MERTK: variants seen among roughly 807,000 people sequenced by gnomAD.
The protein encoded by MERTK is tyrosine-protein kinase Mer.
In MERTK, 69 loss-of-function variants were observed where a neutral mutation model predicts 99.3. The observed-to-expected ratio is 0.70, with a 90% CI of 0.57 to 0.85. The LOEUF (loss-of-function observed/expected upper bound fraction) is 0.85. Among genes scored for constraint, MERTK ranks in the 40% least tolerant of loss-of-function variants. MERTK has a pLI of 0.00. For synonymous variants in MERTK, 426 were observed against 467.6 expected, an observed-to-expected ratio of 0.91 and a Z score of 1.15; for missense variants, 1,125 against 1,249.4, an observed-to-expected ratio of 0.90 and a Z score of 1.50.
intron 10 of MERTK, among the ~76,000 whole-genome samples, chr2:111,997,689 C>T (rs1332238800): frequency 1.3e-5 from 2 of 152,210 alleles, no homozygotes; most frequent in Non-Finnish European, 2.9e-5. Flanking sequence ...GGTTCCTTTA[C>T]AGAGAAGAGT....
At chr2:112,022,233 T>C in intron 17 of MERTK, 25 bp from the exon 18 acceptor site, 1 of 1,614,228 alleles carries the variant, frequency 6.2e-7, no homozygotes, top group Non-Finnish European at 8.5e-7. Flanking sequence ...GCTTGCATCC[T>C]AACTTGTTGT....
At chr2:111,921,556 G>A (rs1462433416) in intron 1 of MERTK, among the ~76,000 whole-genome samples, 1 of 151,886 alleles carries the variant, frequency 6.6e-6, no homozygotes, top group Non-Finnish European at 1.5e-5. Context: ...CAGAAGGGCT[G>A]TAGGGCTGTT....
chr2:111,903,731 G>C (rs2104658233), intron 1 of MERTK, among the ~76,000 whole-genome samples: 1 of 152,350 alleles, frequency 6.6e-6, no homozygotes, highest in African/African-American at 2.4e-5. Context: ...GGCTTCTGGG[G>C]CTTTGGGGGT....
chr2:111,957,391 G>T (rs1042926099), intron 4 of MERTK, among the ~76,000 whole-genome samples: 2 of 151,942 alleles, frequency 1.3e-5, no homozygotes, highest in South Asian at 4.2e-4. Flanking sequence ...CCAGGCCCCC[G>T]AGTATCAACT....
intron 1 of MERTK, among the ~76,000 whole-genome samples, chr2:111,900,158 T>C (rs1275069477): frequency 6.6e-6 from 1 of 152,196 alleles, no homozygotes; most frequent in African/African-American, 2.4e-5. Flanking sequence ...CCTGGAAAGC[T>C]CAGTTTATAG....
chr2:111,963,617 G>A (rs1685299504), intron 4 of MERTK, among the ~76,000 whole-genome samples: 1 of 152,240 alleles, frequency 6.6e-6, no homozygotes, highest in South Asian at 2.1e-4. Context: ...ATCTTGCACA[G>A]CCCTTAATCC....
rs139384389 is a variant in MERTK at position 111,915,820 on chromosome 2, G to A, written c.62-13300G>A. On this transcript the variant is annotated intron_variant, in intron 1 of 18. Coordinates refer to ENST00000295408, the MANE Select transcript of MERTK (RefSeq NM_006343.3). Reference sequence around the variant, plus strand: ...TGAGGCAGGAGAATCACTTGAACCCGGGAGACAGAGGTTGTAGTAAGCTGA... The same window carrying A: ...TGAGGCAGGAGAATCACTTGAACCCAGGAGACAGAGGTTGTAGTAAGCTGA... 3.5e-3 allele frequency among the ~76,000 whole-genome samples: 528 copies of A among 152,212 alleles called. 2 individuals carry two copies. Among genetic ancestry groups the A allele is most frequent in the African/African-American group, 0.011 (447 of 41,548 alleles).
chr2:112,008,863 T>C, intron 14 of MERTK: 1 of 298,942 alleles, frequency 3.3e-6, no homozygotes. Context: ...TTCCGTAGGT[T>C]TATCTTTGAG....
chr2:112,018,775 G>A (rs577616323), intron 15 of MERTK, among the ~76,000 whole-genome samples: 1 of 152,306 alleles, frequency 6.6e-6, no homozygotes, highest in South Asian at 2.1e-4. Flanking sequence ...TTATAAGCTA[G>A]AGAAAACACT....
intron 10 of MERTK, among the ~76,000 whole-genome samples, chr2:111,998,170 C>T (rs1446634537): frequency 6.6e-6 from 1 of 152,212 alleles, no homozygotes; most frequent in African/African-American, 2.4e-5. Context: ...TATTTGTGTT[C>T]ATCCCAGTCT....
intron 1 of MERTK, among the ~76,000 whole-genome samples, chr2:111,919,184 C>G (rs1684408281): frequency 6.6e-6 from 1 of 152,140 alleles, no homozygotes; most frequent in Non-Finnish European, 1.5e-5. Flanking sequence ...CACGTGCAGT[C>G]AAACCTGGGC....
intron 1 of MERTK, among the ~76,000 whole-genome samples, chr2:111,927,202 A>G (rs550409053): frequency 2.6e-5 from 4 of 152,322 alleles, no homozygotes; most frequent in African/African-American, 9.6e-5. Context: ...GGCAGTTCCC[A>G]AAGGCAACAG....
chr2:111,925,421 C>T (rs1031690616), intron 1 of MERTK, among the ~76,000 whole-genome samples: 1 of 147,610 alleles, frequency 6.8e-6, no homozygotes, highest in East Asian at 2.0e-4. Flanking sequence ...CCTGTCTCAG[C>T]CTCCTGAGTA....
chr2:111,975,600 T>C (rs1053429176), intron 7 of MERTK, 128 bp downstream of exon 7: 33 of 967,602 alleles, frequency 3.4e-5, no homozygotes, highest in Non-Finnish European at 4.9e-5. Flanking sequence ...AGAAAATTAT[T>C]GAGGCGACTG....
chr2:111,921,271 G>A (rs1280284739), intron 1 of MERTK, among the ~76,000 whole-genome samples: 3 of 152,098 alleles, frequency 2.0e-5, no homozygotes, highest in Admixed American at 6.5e-5. Flanking sequence ...AGGTGAAGGC[G>A]GGCAGATCAC....
intron 10 of MERTK, among the ~76,000 whole-genome samples, chr2:111,998,147 C>T (rs1293959252): frequency 6.6e-6 from 1 of 152,180 alleles, no homozygotes; most frequent in Non-Finnish European, 1.5e-5. Context: ...AGATTGGCAG[C>T]CAGGCTACGC....
At chr2:111,941,011 A>G (rs764587784) in intron 2 of MERTK, 4 of 555,768 alleles carry the variant, frequency 7.2e-6, no homozygotes, top group Non-Finnish European at 1.4e-5. Flanking sequence ...GTGGTAGTCA[A>G]GAGCCGTCAG....
intron 2 of MERTK, among the ~76,000 whole-genome samples, chr2:111,937,954 C>G (rs1035780208): frequency 2.0e-5 from 3 of 152,186 alleles, no homozygotes; most frequent in Admixed American, 1.3e-4. Flanking sequence ...CCATTTCAAC[C>G]CATTTTGAGT....
intron 5 of MERTK, among the ~76,000 whole-genome samples, chr2:111,967,295 G>C (rs1303999658): frequency 6.6e-6 from 1 of 152,186 alleles, no homozygotes; most frequent in Non-Finnish European, 1.5e-5. Context: ...AATGTGGATT[G>C]TAAGACTACT....
Sources: allele counts gnomAD v4.1 joint callset (sites outside exome capture counted in the v4.1 genomes callset), GRCh38; gene constraint gnomAD v4.1.1; transcripts MANE v1.5; gene names NCBI Gene and HGNC (gene_info 2026-07-23, HGNC 2026-07-21).